MAGI2: variants seen among roughly 807,000 people sequenced by gnomAD.
MAGI2 encodes the protein membrane associated guanylate kinase, WW and PDZ domain containing 2.
Under a neutral mutation model 133.3 loss-of-function variants are expected in MAGI2, and 35 were observed. That is an observed-to-expected ratio of 0.26 (90% CI 0.20 to 0.35). The LOEUF (loss-of-function observed/expected upper bound fraction) is 0.35. Ranked by LOEUF, MAGI2 falls within the 10% of genes least tolerant of loss-of-function variation. MAGI2 has a pLI of 1.00. For synonymous variants in MAGI2, 729 were observed against 710.6 expected (o/e 1.03, Z -0.41); for missense variants, 1,636 against 1,863.4 (o/e 0.88, Z 2.25).
chr7:78,115,897 AT>A (rs776015398), intron 20 of MAGI2, among the ~76,000 whole-genome samples: 5 of 152,260 alleles, frequency 3.3e-5, no homozygotes, highest in Non-Finnish European at 7.3e-5. Context: ...CTACCCCAGT[AT>A]TTAATAGATC....
chr7:78,246,086 C>G (rs1487178592), intron 10 of MAGI2, among the ~76,000 whole-genome samples: 1 of 152,138 alleles, frequency 6.6e-6, no homozygotes, highest in African/African-American at 2.4e-5. Context: ...GTGGTTGCTG[C>G]ATCTTGTCAA....
intron 1 of MAGI2, among the ~76,000 whole-genome samples, chr7:79,235,761 G>A (rs976865997): frequency 1.3e-5 from 2 of 152,174 alleles, no homozygotes; most frequent in African/African-American, 4.8e-5. Context: ...CTTCTGCGTC[G>A]CTCACGCTGG....
At position 78,672,759 on chromosome 7, in the gene MAGI2, C is replaced by G. The variant is rs1338994170; in HGVS notation, c.419-45520G>C. ...TCCTGGGGCTGTTGAATCAGAAACT[C>G]TGGATTGAGGCCCAACAAACTAAAT... On this transcript the variant is annotated intron_variant, in intron 2 of 21. Coordinates refer to ENST00000354212, the MANE Select transcript of MAGI2 (RefSeq NM_012301.4). Among the ~76,000 whole-genome samples, 5 of 152,170 alleles carry G rather than the reference C, an allele frequency of 3.3e-5. 1 individual carries two copies. The highest frequency in any genetic ancestry group is 3.3e-4 in the Admixed American group (5 of 15,274).
chr7:79,180,557 C>A (rs1826521907), intron 1 of MAGI2, among the ~76,000 whole-genome samples: 2 of 152,038 alleles, frequency 1.3e-5, no homozygotes, highest in Admixed American at 1.3e-4. Flanking sequence ...CCACTTCCCA[C>A]TGGTTCCATC....
intron 1 of MAGI2, among the ~76,000 whole-genome samples, chr7:79,302,320 T>C (rs372227621): frequency 3.0e-4 from 45 of 152,318 alleles, no homozygotes; most frequent in African/African-American, 9.4e-4. Flanking sequence ...ACAAAGTTCA[T>C]ATTACATTTT....
chr7:78,411,166 G>A (rs556064830), intron 6 of MAGI2, among the ~76,000 whole-genome samples: 140 of 152,116 alleles, frequency 9.2e-4, no homozygotes, highest in Admixed American at 1.8e-3. Context: ...TGAGCCCTAT[G>A]TAGCAGCCTC....
At chr7:78,141,736 T>C (rs986168241) in intron 16 of MAGI2, among the ~76,000 whole-genome samples, 2 of 152,136 alleles carry the variant, frequency 1.3e-5, no homozygotes, top group Non-Finnish European at 2.9e-5. Context: ...GTCATTCTCT[T>C]GTGGTTGAAC....
intron 3 of MAGI2, among the ~76,000 whole-genome samples, chr7:78,575,161 T>TA (rs576584128): frequency 1.8e-4 from 27 of 151,130 alleles, no homozygotes; most frequent in East Asian, 5.8e-4. Flanking sequence ...ACAAACACTT[T>TA]AAAAAAAAAT....
chr7:78,705,674 T>C lies in MAGI2; in HGVS notation c.419-78435A>G, dbSNP rs190716853. Among the ~76,000 whole-genome samples, 26 of 152,236 alleles carry C rather than the reference T, an allele frequency of 1.7e-4. No homozygotes were observed. The Middle Eastern group carries it at 0.01, about 60-fold the overall frequency. ...AACCTGGTGTTTGGGTACATCGTTTTGTGTCATGTAGGCCAATATTTTCTG... is the reference window on the plus strand; with the variant it reads ...AACCTGGTGTTTGGGTACATCGTTTCGTGTCATGTAGGCCAATATTTTCTG... On this transcript the variant is annotated intron_variant, in intron 2 of 21. Transcript: ENST00000354212.
chr7:79,376,007 T>G (rs1025726335), intron 1 of MAGI2, among the ~76,000 whole-genome samples: 2 of 151,898 alleles, frequency 1.3e-5, no homozygotes, highest in Non-Finnish European at 2.9e-5. Context: ...TAGGTTAACA[T>G]GATTAGTTTA....
At chr7:79,244,243 C>T (rs959788956) in intron 1 of MAGI2, among the ~76,000 whole-genome samples, 1 of 152,198 alleles carries the variant, frequency 6.6e-6, no homozygotes, top group African/African-American at 2.4e-5. Context: ...CTCACAGGAA[C>T]ACCAAATTGA....
intron 6 of MAGI2, among the ~76,000 whole-genome samples, chr7:78,463,225 G>T (rs1296657797): frequency 6.6e-6 from 1 of 152,208 alleles, no homozygotes; most frequent in African/African-American, 2.4e-5. Context: ...CATACATGAG[G>T]CTGTACCACG....
chr7:78,195,359 C>T (rs1205888521), intron 11 of MAGI2, among the ~76,000 whole-genome samples: 1 of 152,036 alleles, frequency 6.6e-6, no homozygotes, highest in African/African-American at 2.4e-5. Context: ...TGTTTTTTTC[C>T]CCCTATAAGA....
chr7:78,653,614 T>C (rs1244746420), intron 2 of MAGI2, among the ~76,000 whole-genome samples: 1 of 151,498 alleles, frequency 6.6e-6, no homozygotes, highest in Non-Finnish European at 1.5e-5. Context: ...GAGGGGGACA[T>C]CACACACTGG....
chr7:78,088,672 T>C (rs1234819744), intron 20 of MAGI2, among the ~76,000 whole-genome samples: 1 of 152,058 alleles, frequency 6.6e-6, no homozygotes, highest in Admixed American at 6.6e-5. Context: ...TGTCTACAGC[T>C]GGAGCTGTAG....
At chr7:78,597,447 C>T (rs185578397) in intron 3 of MAGI2, among the ~76,000 whole-genome samples, 18 of 151,644 alleles carry the variant, frequency 1.2e-4, no homozygotes, top group African/African-American at 3.9e-4. Flanking sequence ...ACTTGAAATA[C>T]GGTCAGAGGC....
intron 2 of MAGI2, among the ~76,000 whole-genome samples, chr7:78,629,727 C>G (rs1808761163): frequency 6.6e-6 from 1 of 152,086 alleles, no homozygotes; most frequent in Non-Finnish European, 1.5e-5. Context: ...CTTCTTGTCT[C>G]TCTCTCTTAT....
At chr7:78,480,769 T>G (rs1792282632) in intron 6 of MAGI2, among the ~76,000 whole-genome samples, 1 of 151,938 alleles carries the variant, frequency 6.6e-6, no homozygotes, top group Non-Finnish European at 1.5e-5. Context: ...CATGTATATA[T>G]TCTAACAACA....
At chr7:78,153,901 A>G (rs147155367) in intron 16 of MAGI2, among the ~76,000 whole-genome samples, 544 of 152,348 alleles carry the variant, frequency 3.6e-3, no homozygotes, top group African/African-American at 0.012. Flanking sequence ...AGCTGGAGTG[A>G]GCCTTGGGCT....
Sources: allele counts gnomAD v4.1 joint callset (sites outside exome capture counted in the v4.1 genomes callset), GRCh38; gene constraint gnomAD v4.1.1; transcripts MANE v1.5; gene names NCBI Gene and HGNC (gene_info 2026-07-23, HGNC 2026-07-21).